STRN: variants seen among roughly 807,000 people sequenced by gnomAD.
STRN encodes the protein protein phosphatase 2 regulatory subunit B'''alpha.
A neutral mutation model predicts 96.3 loss-of-function variants in STRN; 53 were observed. That is an observed-to-expected ratio of 0.55 (90% CI 0.44 to 0.69). STRN has a LOEUF of 0.69. Ranked by LOEUF, STRN falls within the 30% of genes least tolerant of loss-of-function variation. The probability of loss-of-function intolerance (pLI) is 0.00; values close to 1 mark genes in which losing one functional copy is unlikely to be tolerated. For missense variants in STRN, 987 were observed against 963.9 expected, an observed-to-expected ratio of 1.02 and a Z score of -0.32; for synonymous variants, 428 against 355.9, an observed-to-expected ratio of 1.20 and a Z score of -2.28.
At chr2:36,874,189 G>A (rs899663317) in intron 10 of STRN, among the ~76,000 whole-genome samples, 4 of 151,790 alleles carry the variant, frequency 2.6e-5, no homozygotes, top group East Asian at 3.9e-4. Context: ...GCGTGAACTC[G>A]GTAGGCGGAG....
intron 2 of STRN, among the ~76,000 whole-genome samples, chr2:36,923,034 T>C (rs201959626): frequency 5.3e-5 from 8 of 150,002 alleles, no homozygotes; most frequent in Non-Finnish European, 1.0e-4. Context: ...CCCAGCTACT[T>C]GGGAGGCTGA....
Position 36,839,721 on chromosome 2 carries a change from A to G in STRN, c.*9735T>C, listed in dbSNP as rs750374737. Among the ~76,000 whole-genome samples, 1 of 152,202 alleles carries G rather than the reference A, an allele frequency of 6.6e-6. No individual in the cohort carries two copies. Among genetic ancestry groups the G allele is most frequent in the Non-Finnish European group, 1.5e-5 (1 of 68,036 alleles). On this transcript the variant is annotated 3_prime_UTR_variant, in exon 18 of 18. Coordinates refer to ENST00000263918, the MANE Select transcript of STRN (RefSeq NM_003162.4). ...GTGTTGAACTGATCTTAAAGGAATC[A>G]TATTTTTAGTAATTTTAATGACAGT...
chr2:36,941,716 A>ATTTTTTTTTT (rs34746648), intron 1 of STRN, among the ~76,000 whole-genome samples: 4 of 134,846 alleles, frequency 3.0e-5, no homozygotes, highest in African/African-American at 5.7e-5. Flanking sequence ...CACCCAGCTA[A>ATTTTTTTTTT]TTTTTTTTTT....
intron 4 of STRN, among the ~76,000 whole-genome samples, chr2:36,905,303 C>A (rs777682442): frequency 9.2e-5 from 14 of 152,086 alleles, no homozygotes; most frequent in Admixed American, 2.0e-4. Flanking sequence ...TATATTCATA[C>A]ATAAAATATG....
In STRN at chr2:36,838,474, T is replaced by C. The variant is rs148224524; in HGVS notation, c.*10982A>G. ...ACATTTGAAAAGATGTCTACATTTA[T>C]AGTAGTCAGGAAAATGGAAATTAAA... is the stretch of plus-strand genomic sequence containing the variant. On this transcript the variant is annotated 3_prime_UTR_variant, in exon 18 of 18. Coordinates refer to ENST00000263918, the MANE Select transcript of STRN (RefSeq NM_003162.4). 2.4e-3 allele frequency among the ~76,000 whole-genome samples: 365 copies of C among 152,308 alleles called. 4 individuals carry two copies. Among genetic ancestry groups the C allele is most frequent in the African/African-American group, 8.5e-3 (355 of 41,566 alleles).
chr2:36,929,219 CAAAAAG>C (rs777245244), intron 1 of STRN, among the ~76,000 whole-genome samples: 3 of 151,920 alleles, frequency 2.0e-5, no homozygotes, highest in Non-Finnish European at 4.4e-5. Context: ...GTCTGCATGA[CAAAAAG>C]AAAATTTATT....
At chr2:36,899,224 C>T (rs949885514) in intron 6 of STRN, among the ~76,000 whole-genome samples, 1 of 152,204 alleles carries the variant, frequency 6.6e-6, no homozygotes, top group African/African-American at 2.4e-5. Flanking sequence ...CTTGTAACAA[C>T]CAATAACCCT....
chr2:36,866,577 A>G (rs1668634135), intron 12 of STRN, among the ~76,000 whole-genome samples: 1 of 152,298 alleles, frequency 6.6e-6, no homozygotes, highest in African/African-American at 2.4e-5. Context: ...CATCAAGTTC[A>G]GGTCCCGAAT....
At chr2:36,941,716 A>ATTTTTTTTTTTTTT (rs34746648) in intron 1 of STRN, among the ~76,000 whole-genome samples, 65 of 134,824 alleles carry the variant, frequency 4.8e-4, no homozygotes, top group African/African-American at 1.4e-3. Flanking sequence ...CACCCAGCTA[A>ATTTTTTTTTTTTTT]TTTTTTTTTT....
At chr2:36,950,214 T>G (rs1040730005) in intron 1 of STRN, among the ~76,000 whole-genome samples, 3 of 49,244 alleles carry the variant, frequency 6.1e-5, no homozygotes, top group Non-Finnish European at 8.5e-5. Context: ...TTTGGTTTTG[T>G]TTTTTTTTTT....
rs1421965303 is a variant in STRN at position 36,841,606 on chromosome 2, T to C, written c.*7850A>G. On this transcript the variant is annotated 3_prime_UTR_variant, in exon 18 of 18. Transcript: ENST00000263918. ...AAGAGAACTCACTCTGTAAAAACGA[T>C]TCTCATATTTTTTCATGAGATTATC... The C allele has an allele frequency of 1.3e-5, 2 of 152,142 alleles. No individual in the cohort carries two copies. The highest frequency in any genetic ancestry group is 4.8e-5 in the African/African-American group (2 of 41,428). The allele number at this position is 152,142 out of a possible 1,614,324, so 9.4% of individuals were successfully genotyped here.
At chr2:36,874,628 G>C (rs1343574330) in intron 10 of STRN, among the ~76,000 whole-genome samples, 1 of 146,566 alleles carries the variant, frequency 6.8e-6, no homozygotes, top group African/African-American at 2.5e-5. Context: ...AAAAAAATCA[G>C]ACTACCATTA....
At chr2:36,909,710 G>C (rs996237516) in intron 3 of STRN, among the ~76,000 whole-genome samples, 4 of 152,104 alleles carry the variant, frequency 2.6e-5, no homozygotes, top group Non-Finnish European at 5.9e-5. Context: ...TAAGAAATAT[G>C]TAGAGAGGGC....
At chr2:36,921,820 T>C (rs1670263548) in intron 2 of STRN, among the ~76,000 whole-genome samples, 1 of 152,188 alleles carries the variant, frequency 6.6e-6, no homozygotes, top group African/African-American at 2.4e-5. Flanking sequence ...GGTCAGGAGA[T>C]CTTTCTAAAA....
intron 7 of STRN, among the ~76,000 whole-genome samples, chr2:36,889,636 G>A (rs1394725471): frequency 1.4e-5 from 2 of 147,638 alleles, no homozygotes; most frequent in Admixed American, 6.8e-5. Flanking sequence ...GTGGGGGGGA[G>A]TAGAGTAGAA....
At chr2:36,922,872 C>T (rs1406282397) in intron 2 of STRN, among the ~76,000 whole-genome samples, 10 of 152,196 alleles carry the variant, frequency 6.6e-5, no homozygotes, top group Non-Finnish European at 1.2e-4. Context: ...CTCCGGGCCG[C>T]ACGCGGTGGC....
intron 4 of STRN, chr2:36,903,052 G>C (rs530963134): frequency 1.1e-5 from 2 of 175,986 alleles, no homozygotes; most frequent in East Asian, 2.9e-4. Context: ...CTTTAGGCTG[G>C]ATTGGAGCTA....
At chr2:36,898,124 A>G (rs1181212671) in intron 6 of STRN, among the ~76,000 whole-genome samples, 1 of 152,208 alleles carries the variant, frequency 6.6e-6, no homozygotes, top group Non-Finnish European at 1.5e-5. Context: ...GTTTATAAAT[A>G]TTTTAAATAT....
chr2:36,911,872 G>C (rs1263881579), intron 3 of STRN, among the ~76,000 whole-genome samples: 1 of 152,142 alleles, frequency 6.6e-6, no homozygotes, highest in African/African-American at 2.4e-5. Context: ...TGGACCCTTA[G>C]CTTTTCTCGA....
Sources: gnomAD v4.1 joint callset for allele counts (sites outside exome capture counted in the v4.1 genomes callset) on GRCh38, gnomAD v4.1.1 for gene constraint, MANE v1.5 for transcripts, NCBI Gene and HGNC (gene_info 2026-07-23, HGNC 2026-07-21) for gene names.